CSNK2A2IP: variants seen among roughly 807,000 people sequenced by gnomAD.
The protein encoded by CSNK2A2IP is casein kinase II subunit alpha'-interacting protein.
At chr3:88,340,322 T>G in the CSNK2A2IP span, among the ~76,000 whole-genome samples, 5 of 152,010 alleles carry the variant, frequency 3.3e-5, no homozygotes, top group Non-Finnish European at 7.4e-5. Context: ...TTGTTAACAC[T>G]GCTTCTGTGA....
chr3:88,391,825 G>T, the CSNK2A2IP span, among the ~76,000 whole-genome samples: 3 of 152,118 alleles, frequency 2.0e-5, no homozygotes, highest in Non-Finnish European at 4.4e-5. Context: ...ATCATAGCTT[G>T]GGAAGTCATT....
the CSNK2A2IP span, among the ~76,000 whole-genome samples, chr3:88,418,463 T>TGTGCGCGCGCGCGC: frequency 2.7e-5 from 4 of 149,534 alleles, no homozygotes; most frequent in African/African-American, 9.9e-5. Flanking sequence ...TGTGTGTGTG[T>TGTGCGCGCGCGCGC]GCGCGCGGGC....
chr3:88,457,632 G>C, the CSNK2A2IP span, among the ~76,000 whole-genome samples: 2 of 151,636 alleles, frequency 1.3e-5, no homozygotes, highest in Admixed American at 1.3e-4. Context: ...GGAGGCAGAG[G>C]TTGCAGTGAG....
the CSNK2A2IP span, among the ~76,000 whole-genome samples, chr3:88,449,361 GATT>G: frequency 6.6e-6 from 1 of 152,070 alleles, no homozygotes; most frequent in Non-Finnish European, 1.5e-5. Context: ...AATGCTTTCA[GATT>G]ATTAACATTC....
the CSNK2A2IP span, among the ~76,000 whole-genome samples, chr3:88,396,341 G>T: frequency 1.3e-5 from 2 of 151,870 alleles, no homozygotes; most frequent in Non-Finnish European, 2.9e-5. Flanking sequence ...TCCTGACCTC[G>T]TGATCCGCCC....
At chr3:88,428,333 A>AATC in the CSNK2A2IP span, among the ~76,000 whole-genome samples, 63 of 152,254 alleles carry the variant, frequency 4.1e-4, no homozygotes, top group African/African-American at 1.4e-3. Context: ...CTTGTCTCAG[A>AATC]TGAGACTTTG....
chr3:88,377,582 T>C, the CSNK2A2IP span, among the ~76,000 whole-genome samples: 9 of 151,866 alleles, frequency 5.9e-5, no homozygotes, highest in Non-Finnish European at 1.0e-4. Flanking sequence ...CTATTGATCA[T>C]GTTGTAAATA....
At chr3:88,339,671 G>A in the CSNK2A2IP span, among the ~76,000 whole-genome samples, 3 of 152,074 alleles carry the variant, frequency 2.0e-5, no homozygotes, top group East Asian at 5.8e-4. Flanking sequence ...ATGACACTTG[G>A]GACAGGAAAA....
chr3:88,357,320 T>C, the CSNK2A2IP span, among the ~76,000 whole-genome samples: 4 of 152,180 alleles, frequency 2.6e-5, no homozygotes, highest in African/African-American at 7.2e-5. Flanking sequence ...CTCTTGCATA[T>C]GGATATCCAA....
chr3:88,458,210 G>T, the CSNK2A2IP span, among the ~76,000 whole-genome samples: 5 of 135,948 alleles, frequency 3.7e-5, no homozygotes, highest in South Asian at 1.2e-3. Context: ...GAGTGCAGTG[G>T]CTTGATCTTG....
chr3:88,407,222 T>A, the CSNK2A2IP span, among the ~76,000 whole-genome samples: 1 of 146,310 alleles, frequency 6.8e-6, no homozygotes. Flanking sequence ...TACCAGGTAT[T>A]ACCTGGCATT....
chr3:88,408,724 C>T, the CSNK2A2IP span, among the ~76,000 whole-genome samples: 1 of 152,116 alleles, frequency 6.6e-6, no homozygotes. Context: ...GATCTGGGAG[C>T]TGCTTCTATG....
At chr3:88,404,226 A>G in the CSNK2A2IP span, among the ~76,000 whole-genome samples, 3 of 152,178 alleles carry the variant, frequency 2.0e-5, no homozygotes, top group African/African-American at 7.2e-5. Flanking sequence ...TAGTAGACAG[A>G]GTCAACACAG....
At chr3:88,401,389 T>C in the CSNK2A2IP span, among the ~76,000 whole-genome samples, 4 of 152,098 alleles carry the variant, frequency 2.6e-5, no homozygotes, top group Admixed American at 6.6e-5. Context: ...ACAATAACAA[T>C]GAAACAGAAG....
At chr3:88,440,667 G>C in the CSNK2A2IP span, among the ~76,000 whole-genome samples, 1 of 152,162 alleles carries the variant, frequency 6.6e-6, no homozygotes, top group Non-Finnish European at 1.5e-5. Flanking sequence ...CGTTGGAATT[G>C]TTTCTGTTTT....
At chr3:88,347,884 T>TACTCA in the CSNK2A2IP span, among the ~76,000 whole-genome samples, 1 of 152,014 alleles carries the variant, frequency 6.6e-6, no homozygotes, top group Non-Finnish European at 1.5e-5. Context: ...ATACAGGAGA[T>TACTCA]ACATGTTGAG....
At chr3:88,449,894 G>GAGAGAGAGAGAGAGAGAGAGAC in the CSNK2A2IP span, among the ~76,000 whole-genome samples, 1 of 142,702 alleles carries the variant, frequency 7.0e-6, no homozygotes, top group African/African-American at 2.6e-5. Flanking sequence ...GAGAGAGAGA[G>GAGAGAGAGAGAGAGAGAGAGAC]TCTTGCTCTG....
the CSNK2A2IP span, among the ~76,000 whole-genome samples, chr3:88,367,241 TGAAAA>T: frequency 6.6e-6 from 1 of 152,000 alleles, no homozygotes; most frequent in Non-Finnish European, 1.5e-5. Flanking sequence ...GAAATAAAAG[TGAAAA>T]GAAGAGTCAA....
the CSNK2A2IP span, among the ~76,000 whole-genome samples, chr3:88,432,500 A>G: frequency 6.6e-6 from 1 of 151,714 alleles, no homozygotes; most frequent in Non-Finnish European, 1.5e-5. Context: ...AGGTACTCTT[A>G]CTAACACAAA....
Sources: gnomAD v4.1 joint callset for allele counts (sites outside exome capture counted in the v4.1 genomes callset) on GRCh38, gnomAD v4.1.1 for gene constraint, MANE v1.5 for transcripts, NCBI Gene and HGNC (gene_info 2026-07-23, HGNC 2026-07-21) for gene names.